Variants in CHRM3 observed in about 807,000 individuals in gnomAD.
CHRM3 encodes the protein cholinergic receptor muscarinic 3, also known as muscarinic acetylcholine receptor M3.
Under a neutral mutation model 41.8 loss-of-function variants are expected in CHRM3, and 11 were observed. The ratio of observed to expected loss-of-function variants is 0.26; its 90% CI spans 0.17 to 0.44. The LOEUF is 0.44. Ranked by LOEUF, CHRM3 falls within the 20% of genes least tolerant of loss-of-function variation. CHRM3 has a pLI of 1.00. For synonymous variants in CHRM3, 297 were observed against 301.4 expected (o/e 0.99, Z 0.15); for missense variants, 571 against 745.4 (o/e 0.77, Z 2.72).
chr1:239,454,058 A>G (rs1298604609), intron 1 of CHRM3, among the ~76,000 whole-genome samples: 1 of 152,066 alleles, frequency 6.6e-6, no homozygotes, highest in African/African-American at 2.4e-5. Context: ...GTTTCCCCCA[A>G]GCACCAAGCA....
intron 5 of CHRM3, among the ~76,000 whole-genome samples, chr1:239,762,552 C>T (rs999513129): frequency 2.0e-5 from 3 of 152,182 alleles, no homozygotes; most frequent in Admixed American, 6.5e-5. Flanking sequence ...CTGTGTTTAA[C>T]ATTGCAGATA....
At chr1:239,404,454 G>T (rs970284551) in intron 1 of CHRM3, among the ~76,000 whole-genome samples, 1 of 136,978 alleles carries the variant, frequency 7.3e-6, no homozygotes, top group Non-Finnish European at 1.6e-5. Flanking sequence ...AAGAAAGAAA[G>T]AAAGAAAGAA....
intron 1 of CHRM3, among the ~76,000 whole-genome samples, chr1:239,446,030 C>T (rs188864623): frequency 2.0e-5 from 3 of 152,092 alleles, no homozygotes; most frequent in East Asian, 1.9e-4. Flanking sequence ...CTCTGCCTCC[C>T]GGGTTCAAGC....
chr1:239,882,941 C>T (rs1281899305), intron 6 of CHRM3, among the ~76,000 whole-genome samples: 1 of 152,208 alleles, frequency 6.6e-6, no homozygotes. Flanking sequence ...AGCCCAGGGG[C>T]GGCTCTTCGC....
rs1479046034 is a variant in CHRM3, at chr1:239,641,862, G to C, written c.-250+9576G>C. Among the ~76,000 whole-genome samples, 5 of 128,032 alleles carry C rather than the reference G, an allele frequency of 3.9e-5. 2 individuals are homozygous for C. The highest frequency in any genetic ancestry group is 1.6e-4 in the African/African-American group (5 of 31,942). The allele number at this position is 128,032 out of a possible 152,430, so 84.0% of individuals were successfully genotyped here. A position where few individuals can be genotyped will look rare whatever the true frequency, so the allele number is the denominator to read the frequency against. ...GTTGATGCAGTTTCTTCCTAGTCTTGATGGTCTTTACAATTTGGCGTGATT... is the reference window on the plus strand; with the variant it reads ...GTTGATGCAGTTTCTTCCTAGTCTTCATGGTCTTTACAATTTGGCGTGATT... On this transcript the variant is annotated intron_variant, in intron 4 of 6. Transcript: ENST00000676153.
chr1:239,397,139 G>A (rs766685006), intron 1 of CHRM3, among the ~76,000 whole-genome samples: 6 of 152,096 alleles, frequency 3.9e-5, no homozygotes, highest in Non-Finnish European at 7.4e-5. Flanking sequence ...GATGAACTGC[G>A]GGTGAAGTAG....
At chr1:239,892,870 T>C (rs1678668006) in intron 6 of CHRM3, among the ~76,000 whole-genome samples, 1 of 152,220 alleles carries the variant, frequency 6.6e-6, no homozygotes, top group Non-Finnish European at 1.5e-5. Flanking sequence ...GGGTTATTTT[T>C]AAAGTGTGTG....
chr1:239,607,139 G>C (rs1423633091), intron 3 of CHRM3, among the ~76,000 whole-genome samples: 1 of 152,110 alleles, frequency 6.6e-6, no homozygotes, highest in African/African-American at 2.4e-5. Flanking sequence ...CCTCAGAAGA[G>C]TATTTATACA....
chr1:239,666,885 A>G (rs1673859499), intron 4 of CHRM3, among the ~76,000 whole-genome samples: 1 of 152,082 alleles, frequency 6.6e-6, no homozygotes, highest in Non-Finnish European at 1.5e-5. Flanking sequence ...TGAGTACACA[A>G]TGTTTAGCTC....
intron 6 of CHRM3, among the ~76,000 whole-genome samples, chr1:239,861,255 A>G (rs916023700): frequency 3.3e-5 from 5 of 152,154 alleles, no homozygotes; most frequent in African/African-American, 1.2e-4. Context: ...CAATTTGAGA[A>G]ACTTCTGTGA....
chr1:239,736,493 A>G (rs575811935), intron 5 of CHRM3, among the ~76,000 whole-genome samples: 2 of 152,250 alleles, frequency 1.3e-5, no homozygotes, highest in South Asian at 4.1e-4. Flanking sequence ...AAATGATACC[A>G]TCTTCACATG....
chr1:239,743,305 A>G (rs1452761363), intron 5 of CHRM3, among the ~76,000 whole-genome samples: 1 of 152,110 alleles, frequency 6.6e-6, no homozygotes, highest in Non-Finnish European at 1.5e-5. Context: ...GGTCTTCTCC[A>G]TTGTCTAATA....
At chr1:239,881,946 C>T (rs1677674699) in intron 6 of CHRM3, among the ~76,000 whole-genome samples, 3 of 152,144 alleles carry the variant, frequency 2.0e-5, no homozygotes. Context: ...GCTCTTGTCG[C>T]CCAGGCTGGA....
chr1:239,746,459 T>C (rs1234502094), intron 5 of CHRM3, among the ~76,000 whole-genome samples: 1 of 152,262 alleles, frequency 6.6e-6, no homozygotes, highest in African/African-American at 2.4e-5. Flanking sequence ...ATTTCCATTT[T>C]ACCTCTGCTT....
At chr1:239,763,568 C>A (rs1666970601) in intron 5 of CHRM3, among the ~76,000 whole-genome samples, 1 of 151,976 alleles carries the variant, frequency 6.6e-6, no homozygotes, top group South Asian at 2.1e-4. Context: ...TGAATATAGG[C>A]CAAAGTACTT....
intron 6 of CHRM3, among the ~76,000 whole-genome samples, chr1:239,838,795 A>G (rs2149143603): frequency 6.6e-6 from 1 of 152,334 alleles, no homozygotes; most frequent in East Asian, 1.9e-4. Context: ...TGTGTAGAAC[A>G]TTAGAATAGG....
intron 2 of CHRM3, among the ~76,000 whole-genome samples, chr1:239,527,211 G>A (rs1670055049): frequency 6.6e-6 from 1 of 152,090 alleles, no homozygotes; most frequent in South Asian, 2.1e-4. Flanking sequence ...AACAGTTACT[G>A]TATTTATCCC....
intron 1 of CHRM3, among the ~76,000 whole-genome samples, chr1:239,437,301 G>A (rs73114796): frequency 0.044 from 6,644 of 152,124 alleles, 429 homozygotes; most frequent in African/African-American, 0.15. Context: ...TGTAGAGACA[G>A]GGTCTTGCTA....
intron 2 of CHRM3, among the ~76,000 whole-genome samples, chr1:239,530,420 G>A (rs1670322185): frequency 6.6e-6 from 1 of 152,160 alleles, no homozygotes; most frequent in South Asian, 2.1e-4. Flanking sequence ...TCCAAGCAGT[G>A]TGTCTGTAAA....
Sources: allele counts gnomAD v4.1 joint callset (sites outside exome capture counted in the v4.1 genomes callset), GRCh38; gene constraint gnomAD v4.1.1; transcripts MANE v1.5; gene names NCBI Gene and HGNC (gene_info 2026-07-23, HGNC 2026-07-21).